Variants in ABCD2 observed in about 807,000 individuals in gnomAD.
ABCD2 encodes the protein ATP-binding cassette sub-family D member 2.
A neutral mutation model predicts 70.9 loss-of-function variants in ABCD2; 36 were observed. The ratio of observed to expected loss-of-function variants is 0.51; its 90% CI spans 0.39 to 0.67. ABCD2 has a LOEUF of 0.67. ABCD2 is among the 30% of genes least tolerant of loss of function. ABCD2 has a pLI of 0.00. For synonymous variants in ABCD2, 304 were observed against 306.9 expected (o/e 0.99, Z 0.10); for missense variants, 729 against 890.2 (o/e 0.82, Z 2.30).
At chr12:39,596,537 T>C (rs1343987808) in intron 6 of ABCD2, among the ~76,000 whole-genome samples, 2 of 152,208 alleles carry the variant, frequency 1.3e-5, no homozygotes, top group African/African-American at 2.4e-5. Flanking sequence ...TCTATACTTA[T>C]ATATAATCCT....
At chr12:39,595,907 T>C (rs753609501) in intron 6 of ABCD2, among the ~76,000 whole-genome samples, 19 of 152,022 alleles carry the variant, frequency 1.2e-4, no homozygotes, top group African/African-American at 1.9e-4. Flanking sequence ...ATGGCAAACA[T>C]CCAAATTACT....
chr12:39,607,942 C>T (rs1448502039), intron 2 of ABCD2, among the ~76,000 whole-genome samples: 2 of 151,892 alleles, frequency 1.3e-5, no homozygotes, highest in Non-Finnish European at 2.9e-5. Flanking sequence ...CCTGGGTGGG[C>T]GGATCACTTG....
chr12:39,560,816 CAT>C (rs1480340877), intron 9 of ABCD2, among the ~76,000 whole-genome samples: 18 of 151,840 alleles, frequency 1.2e-4, no homozygotes, highest in African/African-American at 4.1e-4. Flanking sequence ...GAAGCAAAAA[CAT>C]ATAATAGGTA....
chr12:39,612,007 T>A (rs190702090), intron 2 of ABCD2, among the ~76,000 whole-genome samples: 1 of 152,216 alleles, frequency 6.6e-6, no homozygotes, highest in Admixed American at 6.5e-5. Context: ...ACCTCAATAG[T>A]CATTAGAGAA....
downstream of ABCD2, among the ~76,000 whole-genome samples, chr12:39,549,095 G>A (rs1325313524): frequency 5.3e-5 from 8 of 151,956 alleles, no homozygotes; most frequent in East Asian, 5.8e-4. Context: ...CTTGAGAAGC[G>A]GTTTCTTAGG....
At chr12:39,589,020 G>A (rs1941706052) in intron 6 of ABCD2, among the ~76,000 whole-genome samples, 1 of 152,052 alleles carries the variant, frequency 6.6e-6, no homozygotes, top group South Asian at 2.1e-4. Context: ...GTATACTGTA[G>A]TTACCTAAGA....
rs1941123983 is a variant in ABCD2, at chr12:39,553,935, T to C, written c.2200A>G (p.Lys734Glu). The C allele has an allele frequency of 6.2e-7, 1 of 1,610,764 alleles. No homozygotes were observed. The highest frequency in any genetic ancestry group is 1.1e-5 in the South Asian group (1 of 90,570). Reference sequence around the variant, plus strand: ...AATTAAGATGTCTCATCTTCATTTTTAATTGTTTTCAGCACTGAGTCTTCT... The same window carrying C: ...AATTAAGATGTCTCATCTTCATTTTCAATTGTTTTCAGCACTGAGTCTTCT... ...LGEDSVLKTI[K>E]NEDETS Residue 734 changes from lysine to glutamate, a missense_variant, in exon 10 of 10, where the codon AAA becomes GAA. This residue lies in a region of ABCD2 where 289 missense variants were observed against 328.8 expected (regional missense o/e 0.88). Transcript: ENST00000308666.
chr12:39,557,752 C>A (rs751675118), intron 9 of ABCD2, among the ~76,000 whole-genome samples: 1 of 152,160 alleles, frequency 6.6e-6, no homozygotes, highest in Admixed American at 6.5e-5. Context: ...TCTGAGGGTA[C>A]AAGCCCCAGT....
chr12:39,601,425 T>G (rs1591992710), intron 5 of ABCD2, among the ~76,000 whole-genome samples: 1 of 147,866 alleles, frequency 6.8e-6, no homozygotes, highest in African/African-American at 2.4e-5. Flanking sequence ...AAACAGGTTA[T>G]TTATTTCTTA....
At chr12:39,567,595 T>C (rs1038533834) in intron 9 of ABCD2, among the ~76,000 whole-genome samples, 41 of 152,032 alleles carry the variant, frequency 2.7e-4, no homozygotes, top group Middle Eastern at 3.4e-3. Context: ...ATTTGCCAAT[T>C]TGTGTCTTTT....
At chr12:39,617,310 CA>C (rs1566593951) in intron 1 of ABCD2, 142 bp from the exon 2 acceptor site, 2 of 486,120 alleles carry the variant, frequency 4.1e-6, no homozygotes, top group Non-Finnish European at 6.6e-6. Flanking sequence ...TAGTTTTGGT[CA>C]CATGTGTATT....
At chr12:39,610,959 A>G (rs1473766034) in intron 2 of ABCD2, among the ~76,000 whole-genome samples, 1 of 152,168 alleles carries the variant, frequency 6.6e-6, no homozygotes, top group East Asian at 1.9e-4. Flanking sequence ...TTTTTATTCT[A>G]GGTCAATACA....
intron 9 of ABCD2, among the ~76,000 whole-genome samples, chr12:39,558,800 A>T (rs1415582422): frequency 6.6e-6 from 1 of 152,192 alleles, no homozygotes; most frequent in African/African-American, 2.4e-5. Flanking sequence ...TATGAAAATG[A>T]ACTAATACAG....
intron 8 of ABCD2, among the ~76,000 whole-genome samples, chr12:39,576,247 C>T (rs1241339145): frequency 1.3e-5 from 2 of 152,142 alleles, no homozygotes; most frequent in Non-Finnish European, 2.9e-5. Context: ...GCAATCTCCG[C>T]CTCCTGGGTT....
chr12:39,606,605 A>G (rs2120742050), intron 3 of ABCD2, among the ~76,000 whole-genome samples: 1 of 152,300 alleles, frequency 6.6e-6, no homozygotes, highest in East Asian at 1.9e-4. Flanking sequence ...GATTATCAAA[A>G]TTACTATTTG....
intron 9 of ABCD2, among the ~76,000 whole-genome samples, chr12:39,570,262 C>T (rs780234946): frequency 1.4e-4 from 21 of 152,148 alleles, no homozygotes; most frequent in Non-Finnish European, 1.8e-4. Context: ...AACTGCAAAA[C>T]ACCCAAAATA....
At position 39,613,113 on chromosome 12, in the gene ABCD2, G is replaced by A. The variant is rs1942066882; in HGVS notation, c.1120+3875C>T. 2.9e-5 allele frequency among the ~76,000 whole-genome samples: 4 copies of A among 138,116 alleles called. 1 individual carries two copies. The highest frequency in any genetic ancestry group is 2.2e-4 in the South Asian group (1 of 4,614). The allele number at this position is 138,116 out of a possible 152,430, so 90.6% of individuals were successfully genotyped here. On this transcript the variant is annotated intron_variant, in intron 2 of 9. Coordinates refer to ENST00000308666, the MANE Select transcript of ABCD2 (RefSeq NM_005164.4). ...AAAGAATTGAGGTTGTGGGCCGGGC[G>A]CGGTGGCTCACGCCTGTAATCCCAG...
chr12:39,617,479 T>C (rs1942132348), intron 1 of ABCD2, among the ~76,000 whole-genome samples: 1 of 152,102 alleles, frequency 6.6e-6, no homozygotes, highest in South Asian at 2.1e-4. Flanking sequence ...TTTGTCCTTG[T>C]TGATTACACC....
Position 39,619,039 on chromosome 12 carries a change from A to G in ABCD2, c.577T>C (p.Tyr193His). ...AYETYFTNQT[Y>H]YKVINMDGRL... ...CCATCCATATTGATCACTTTATAAT[A>G]AGTCTGATTTGTAAAATAGGTTTCA... Residue 193 changes from tyrosine to histidine, a missense_variant, in exon 1 of 10, where the codon TAT becomes CAT. Coordinates refer to ENST00000308666, the MANE Select transcript of ABCD2 (RefSeq NM_005164.4). 1 of 1,614,210 alleles carries G rather than the reference A, an allele frequency of 6.2e-7. No homozygotes were observed. The highest frequency in any genetic ancestry group is 8.5e-7 in the Non-Finnish European group (1 of 1,180,030).
Sources: allele counts gnomAD v4.1 joint callset (sites outside exome capture counted in the v4.1 genomes callset), GRCh38; gene constraint gnomAD v4.1.1; regional missense constraint gnomAD v4.1.1; transcripts MANE v1.5; gene names NCBI Gene and HGNC (gene_info 2026-07-23, HGNC 2026-07-21).